The following PHF2 variants were observed in gnomAD, a reference collection of about 807,000 sequenced individuals.
PHF2 encodes the protein PHD finger protein 2.
A neutral mutation model predicts 120.5 loss-of-function variants in PHF2; 27 were observed. The ratio of observed to expected loss-of-function variants is 0.22; its 90% CI spans 0.17 to 0.31. The LOEUF (loss-of-function observed/expected upper bound fraction) is 0.31. PHF2 is among the 10% of genes least tolerant of loss of function. The pLI, the probability that PHF2 is intolerant of heterozygous loss-of-function variation, is 1.00. For missense variants in PHF2, 1,024 were observed against 1,434.8 expected (o/e 0.71, Z 4.63); for synonymous variants, 568 against 592.5 (o/e 0.96, Z 0.60).
At chr9:93,577,180 G>C (rs1315211322) in intron 1 of PHF2, among the ~76,000 whole-genome samples, 1 of 150,448 alleles carries the variant, frequency 6.6e-6, no homozygotes, top group Non-Finnish European at 1.5e-5. Flanking sequence ...TCCAGGCCCG[G>C]GCCGGGCCGC....
chr9:93,656,646 G>T lies in PHF2; in HGVS notation c.1147+51G>T, dbSNP rs767028921. Reference sequence around the variant, plus strand: ...CCAAGCCTGGGGCTCTTGGCTGTGGGGGCAGCCAGACCTGGTCAGGGCTGA... The same window carrying T: ...CCAAGCCTGGGGCTCTTGGCTGTGGTGGCAGCCAGACCTGGTCAGGGCTGA... On this transcript the variant is annotated intron_variant, in intron 9 of 21. Transcript: ENST00000359246. The surrounding 1 kb of genome is among the most constrained non-coding windows in gnomAD (Gnocchi z 4.1). The T allele has an allele frequency of 2.1e-5, 27 of 1,287,906 alleles. No homozygotes were observed. Among genetic ancestry groups the T allele is most frequent in the Non-Finnish European group, 2.9e-5 (26 of 887,886 alleles). The allele number at this position is 1,287,906 out of a possible 1,614,324, so 79.8% of individuals were successfully genotyped here.
In PHF2 at chr9:93,667,358, C is replaced by A. The variant is rs143474419; in HGVS notation, c.2348+118C>A. 5.6e-6 allele frequency: 7 copies of A among 1,239,134 alleles called. No individual in the cohort carries two copies. In the African/African-American group the frequency reaches 9.2e-5, roughly 16 times the overall value. 76.8% of individuals were successfully genotyped at this position (1,239,134 alleles called of 1,614,324 possible). A position where few individuals can be genotyped will look rare whatever the true frequency, so the allele number is the denominator to read the frequency against. On this transcript the variant is annotated intron_variant, in intron 17 of 21. Transcript: ENST00000359246. Reference sequence around the variant, plus strand: ...CGCACAGCTGGAGCCAGTGCTGAGCCGCCCCTGGGCCTGGGCAGAAGGGCA... The same window carrying A: ...CGCACAGCTGGAGCCAGTGCTGAGCAGCCCCTGGGCCTGGGCAGAAGGGCA...
At chr9:93,599,350 CGTT>C (rs560152951) in intron 1 of PHF2, among the ~76,000 whole-genome samples, 55 of 152,322 alleles carry the variant, frequency 3.6e-4, no homozygotes, top group African/African-American at 1.3e-3. Flanking sequence ...CCTGCCACCA[CGTT>C]GTGGGCTGCT....
chr9:93,637,379 A>C (rs949201722), intron 3 of PHF2, among the ~76,000 whole-genome samples: 1 of 152,184 alleles, frequency 6.6e-6, no homozygotes, highest in Non-Finnish European at 1.5e-5. Flanking sequence ...TACTGTATTC[A>C]CAGATATGTG....
Position 93,660,418 on chromosome 9 carries a change from A to G in PHF2, c.1556A>G (p.Lys519Arg), listed in dbSNP as rs758683362. ...CCCCCTAAGCCCCCAAGGCCCCCCA[A>G]AACGCTGAAGCTCAAAGATGGAGGC... ...PKPPKPPRPP[K>R]TLKLKDGGKK... Residue 519 changes from lysine (K) to arginine (R), a missense_variant, in exon 12 of 22, where the codon AAA becomes AGA. Transcript: ENST00000359246. 1.6e-5 allele frequency: 21 copies of G among 1,337,678 alleles called. No homozygotes were observed. Among genetic ancestry groups the G allele is most frequent in the Middle Eastern group, 2.4e-4 (1 of 4,170 alleles). The allele number at this position is 1,337,678 out of a possible 1,614,324, so 82.9% of individuals were successfully genotyped here.
intron 12 of PHF2, among the ~76,000 whole-genome samples, 153 bp from the exon 13 acceptor site, chr9:93,662,730 GGATGGGTGGGTGAATGGGTACATC>G (rs1221850221): frequency 1.3e-5 from 2 of 152,034 alleles, no homozygotes; most frequent in South Asian, 2.1e-4. Context: ...ATGGATGGAT[GGATGGGTGGGTGAATGGGTACATC>G]GATGGGTGGG....
chr9:93,663,936 C>T (rs1826627475), intron 14 of PHF2, among the ~76,000 whole-genome samples: 1 of 152,238 alleles, frequency 6.6e-6, no homozygotes, highest in Non-Finnish European at 1.5e-5. Flanking sequence ...GCCTAGACAC[C>T]AGCAGAGCCA....
intron 12 of PHF2, among the ~76,000 whole-genome samples, chr9:93,662,314 G>C (rs987806619): frequency 3.3e-5 from 5 of 151,944 alleles, no homozygotes; most frequent in Admixed American, 3.3e-4. Flanking sequence ...TGAGTGAGTG[G>C]ATGGGTGGAT....
At chr9:93,630,157 G>A (rs113908100) in intron 2 of PHF2, 102 bp downstream of exon 2, 193,422 of 1,187,430 alleles carry the variant, frequency 0.16, 16,190 homozygotes, top group African/African-American at 0.2. Flanking sequence ...CTGGGCCCTG[G>A]GTTGCTGGGG....
At chr9:93,654,993 G>A (rs766162699) in intron 7 of PHF2, among the ~76,000 whole-genome samples, 9 of 152,194 alleles carry the variant, frequency 5.9e-5, no homozygotes, top group African/African-American at 1.9e-4. Flanking sequence ...GGAGGAGGGC[G>A]CTAGCTGCTA....
chr9:93,597,763 G>T (rs908495880), intron 1 of PHF2, among the ~76,000 whole-genome samples: 5 of 152,152 alleles, frequency 3.3e-5, no homozygotes, highest in Non-Finnish European at 5.9e-5. Context: ...CTTTTCATGT[G>T]CCCCTTACAT....
chr9:93,634,220 T>C (rs1246344603), intron 2 of PHF2, among the ~76,000 whole-genome samples: 4 of 152,028 alleles, frequency 2.6e-5, no homozygotes, highest in Non-Finnish European at 5.9e-5. Context: ...TGGAGCCCCT[T>C]GCTCCCTTGA....
intron 1 of PHF2, among the ~76,000 whole-genome samples, chr9:93,627,492 AT>A (rs55647503): frequency 0.35 from 38,172 of 108,200 alleles, 6,875 homozygotes; most frequent in Non-Finnish European, 0.42. Flanking sequence ...TTATTTCAGG[AT>A]TTTTTTTTTT....
intron 1 of PHF2, among the ~76,000 whole-genome samples, chr9:93,590,398 C>T (rs1825192761): frequency 6.6e-6 from 1 of 152,298 alleles, no homozygotes; most frequent in Non-Finnish European, 1.5e-5. Flanking sequence ...GGGCTGGGAA[C>T]AGGCCCTTCC....
chr9:93,588,033 C>A (rs893857633), intron 1 of PHF2, among the ~76,000 whole-genome samples: 2 of 152,146 alleles, frequency 1.3e-5, no homozygotes, highest in Non-Finnish European at 2.9e-5. Context: ...GGGTCACCTC[C>A]CTGGAGGCCC....
At chr9:93,599,494 G>T (rs894259141) in intron 1 of PHF2, among the ~76,000 whole-genome samples, 1 of 152,224 alleles carries the variant, frequency 6.6e-6, no homozygotes, top group South Asian at 2.1e-4. Context: ...GCGAGGAGAT[G>T]GAGTGCGTGG....
At chr9:93,618,171 T>C (rs1216150214) in intron 1 of PHF2, among the ~76,000 whole-genome samples, 1 of 152,250 alleles carries the variant, frequency 6.6e-6, no homozygotes, top group Non-Finnish European at 1.5e-5. Context: ...GGGGTCACAG[T>C]TGGCTCAGAT....
At position 93,665,668 on chromosome 9, in the gene PHF2, C is replaced by G. The variant is rs1233080678; in HGVS notation, c.1938-18C>G. 6.2e-7 allele frequency: 1 copy of G among 1,611,494 alleles called. No homozygotes were observed. Among genetic ancestry groups the G allele is most frequent in the Non-Finnish European group, 8.5e-7 (1 of 1,178,962 alleles). ...TGGGGCTATGTGGATGCTGCTGACC[C>G]ACTCGCTTCTGCCCTAGCTCCAAGG... On this transcript the variant is annotated intron_variant, in intron 14 of 21. Transcript: ENST00000359246.
intron 4 of PHF2, among the ~76,000 whole-genome samples, chr9:93,646,597 ACT>A (rs1228161070): frequency 2.0e-5 from 3 of 152,014 alleles, no homozygotes; most frequent in African/African-American, 7.2e-5. Flanking sequence ...TCTGAGGCTC[ACT>A]CTCTTCCTCT....
Sources: gnomAD v4.1 joint callset for allele counts (sites outside exome capture counted in the v4.1 genomes callset) on GRCh38, gnomAD v4.1.1 for gene constraint, Gnocchi (gnomAD v3.1) non-coding constraint, MANE v1.5 for transcripts, NCBI Gene and HGNC (gene_info 2026-07-23, HGNC 2026-07-21) for gene names.